Variants in MYH7B observed in about 807,000 individuals in gnomAD.
The protein encoded by MYH7B is myosin-7B.
Under a neutral mutation model 234.5 loss-of-function variants are expected in MYH7B, and 205 were observed. The observed-to-expected ratio is 0.87, with a 90% CI of 0.78 to 0.98. The LOEUF is 0.98. Among genes scored for constraint, MYH7B ranks in the 50% least tolerant of loss-of-function variants. The probability of loss-of-function intolerance (pLI) is 0.00; values close to 1 mark genes in which losing one functional copy is unlikely to be tolerated. For missense variants in MYH7B, 2,652 were observed against 2,633.4 expected (o/e 1.01, Z -0.15); for synonymous variants, 1,193 against 1,105.0 (o/e 1.08, Z -1.58).
At chr20:34,997,406 C>T (rs896651212) in exon 32 of MYH7B, 2 of 1,479,738 alleles carry the variant, frequency 1.4e-6, no homozygotes, top group African/African-American at 1.5e-5. Context: ...GCGAGGGCTG[C>T]CGCAAGCGGG....
In MYH7B at chr20:34,987,886, T is replaced by C. The variant is rs61745057; in HGVS notation, c.1388T>C (p.Leu463Pro). Reference sequence around the variant, plus strand: ...CCCCGGCAGTTCTTCATCGGGGTTCTGGACATCGCTGGGTTTGAGATCTTT... The same window carrying C: ...CCCCGGCAGTTCTTCATCGGGGTTCCGGACATCGCTGGGTTTGAGATCTTT... The change falls in exon 18 of 45, where the codon CTG (leucine) becomes CCG (proline). Residue 463 changes from leucine to proline, a missense_variant. By Grantham distance (98) the Leu-to-Pro change is moderately conservative (BLOSUM62 -3). This residue lies in a region of MYH7B where 2,279 missense variants were observed against 2,211.4 expected (regional missense o/e 1.03). Transcript: ENST00000262873. The C allele has an allele frequency of 1.9e-4, 303 of 1,607,442 alleles. No individual in the cohort carries two copies. The African/African-American group carries it at 3.6e-3, about 19-fold the overall frequency.
chr20:34,989,418 C>T (rs2082097362), intron 19 of MYH7B, among the ~76,000 whole-genome samples: 1 of 152,128 alleles, frequency 6.6e-6, no homozygotes, highest in Non-Finnish European at 1.5e-5. Context: ...TGACTTACCC[C>T]ATGTTTGTGT....
At chr20:34,973,303 C>T (rs1381810331) in intron 2 of MYH7B, among the ~76,000 whole-genome samples, 2 of 152,330 alleles carry the variant, frequency 1.3e-5, no homozygotes, top group Non-Finnish European at 2.9e-5. Flanking sequence ...CAGACTCCTC[C>T]GTGTTGATGT....
At chr20:34,963,782 T>C (rs1221785807) in intron 2 of MYH7B, among the ~76,000 whole-genome samples, 1 of 152,232 alleles carries the variant, frequency 6.6e-6, no homozygotes, top group Non-Finnish European at 1.5e-5. Flanking sequence ...TTATGCATTT[T>C]TACCCTCCTA....
rs375029593 is a variant in MYH7B at position 34,982,573 on chromosome 20, G to A, written c.624+18G>A. The A allele has an allele frequency of 1.7e-5, 27 of 1,547,336 alleles. No homozygotes were observed. The highest frequency in any genetic ancestry group is 2.4e-5 in the South Asian group (2 of 84,826). On this transcript the variant is annotated intron_variant, in intron 10 of 44. Coordinates refer to ENST00000262873, the Ensembl canonical transcript of MYH7B. The stretch of plus-strand genomic sequence containing the variant: ...AGAAGGCCGTAAGACTTGCCCACTC[G>A]GGCATGCTCCCCGTTGCTTCTCGCT...
At position 34,993,087 on chromosome 20, in the gene MYH7B, G is replaced by A; in HGVS notation, c.2184-15G>A. 1 of 1,608,680 alleles carries A rather than the reference G, an allele frequency of 6.2e-7. No individual in the cohort carries two copies. Among genetic ancestry groups the A allele is most frequent in the Non-Finnish European group, 8.5e-7 (1 of 1,176,158 alleles). ...ACCCAGCCCTCTCCTGACCAGCTCT[G>A]CCCTCCTTTCCCAGGTACCGTATCC... is the stretch of plus-strand genomic sequence containing the variant. On this transcript the variant is annotated splice_polypyrimidine_tract_variant and intron_variant, in intron 24 of 44. Transcript: ENST00000262873.
chr20:34,980,747 T>C lies in MYH7B; in HGVS notation c.499+13T>C. 1 of 1,609,822 alleles carries C rather than the reference T, an allele frequency of 6.2e-7. No individual in the cohort carries two copies. The highest frequency in any genetic ancestry group is 8.5e-7 in the Non-Finnish European group (1 of 1,176,634). ...GACATGCTGCGCAGTAAGGGCCGCCTGGACTCCTCCCCAACCGCAGACCCC... is the reference window on the plus strand; with the variant it reads ...GACATGCTGCGCAGTAAGGGCCGCCCGGACTCCTCCCCAACCGCAGACCCC... On this transcript the variant is annotated intron_variant, in intron 8 of 44. Coordinates refer to ENST00000262873, the Ensembl canonical transcript of MYH7B.
At chr20:34,961,010 G>C (rs1456115020) in intron 2 of MYH7B, among the ~76,000 whole-genome samples, 6 of 152,118 alleles carry the variant, frequency 3.9e-5, no homozygotes. Flanking sequence ...TCTGTGCCCT[G>C]GTCGTGTTTG....
intron 18 of MYH7B, 76 bp from the exon 19 acceptor site, chr20:34,988,016 G>C (rs1330677871): frequency 3.2e-6 from 5 of 1,571,484 alleles, no homozygotes; most frequent in East Asian, 2.2e-5. Context: ...AGTTGGGGGT[G>C]AACTCATGCC....
intron 2 of MYH7B, among the ~76,000 whole-genome samples, chr20:34,968,465 G>A (rs932022684): frequency 5.3e-5 from 8 of 152,188 alleles, no homozygotes; most frequent in Non-Finnish European, 8.8e-5. Context: ...ACCTATTCAA[G>A]GTCACATAGT....
chr20:34,981,013 T>A lies in MYH7B; in HGVS notation c.500-20T>A, dbSNP rs778618201. 1.2e-6 allele frequency: 2 copies of A among 1,614,092 alleles called. No individual in the cohort carries two copies. The highest frequency in any genetic ancestry group is 1.7e-6 in the Non-Finnish European group (2 of 1,179,990). ...CCCCACACCTTGGCTGACTTCTCTATCCCCTTCCCTTTCCTCCAGACCGAG... is the reference window on the plus strand; with the variant it reads ...CCCCACACCTTGGCTGACTTCTCTAACCCCTTCCCTTTCCTCCAGACCGAG... On this transcript the variant is annotated intron_variant, in intron 8 of 44. Coordinates refer to ENST00000262873, the Ensembl canonical transcript of MYH7B.
At chr20:34,980,869 T>TC in intron 8 of MYH7B, 135 bp downstream of exon 8, 5 of 1,486,736 alleles carry the variant, frequency 3.4e-6, no homozygotes, top group Non-Finnish European at 4.6e-6. Context: ...AGCCGTTCTG[T>TC]CCCTCCGCAT....
chr20:34,980,578 A>G (rs1416801711), exon 8 of MYH7B: 1 of 1,613,158 alleles, frequency 6.2e-7, no homozygotes, highest in East Asian at 2.2e-5. Context: ...CTCTCTTCAG[A>G]CCTACTCAGG....
intron 3 of MYH7B, 125 bp downstream of exon 3, chr20:34,975,624 G>A: frequency 1.6e-6 from 1 of 615,210 alleles, no homozygotes; most frequent in Admixed American, 2.6e-5. Flanking sequence ...ACCGAGAGGG[G>A]ACCCGCGTCA....
intron 10 of MYH7B, 55 bp from the exon 11 acceptor site, chr20:34,984,637 C>A: frequency 4.7e-6 from 7 of 1,476,132 alleles, no homozygotes; most frequent in South Asian, 1.2e-5. Flanking sequence ...TGCCCCACCC[C>A]GCCCTTCCCC....
At position 34,997,569 on chromosome 20, in the gene MYH7B, AAGG is replaced by A. The variant is rs748988032; in HGVS notation, c.3679_3681del (p.Glu1227del). On this transcript the variant is annotated inframe_deletion, in exon 32 of 45. Transcript: ENST00000262873. ...GCAGCGGGTGCGGCAGAAGCTGGAG[AAGG>A]AGAAGAGTGAGCTGCGCATGGAGGT... The A allele has an allele frequency of 4.7e-5, 76 of 1,612,654 alleles. No homozygotes were observed. The highest frequency in any genetic ancestry group is 6.7e-5 in the East Asian group (3 of 44,810).
chr20:34,960,300 A>G (rs1055553041), intron 2 of MYH7B, among the ~76,000 whole-genome samples: 1 of 152,072 alleles, frequency 6.6e-6, no homozygotes, highest in Non-Finnish European at 1.5e-5. Flanking sequence ...CAGTGGCGCC[A>G]TCTTGGCTCA....
intron 37 of MYH7B, 41 bp from the exon 38 acceptor site, chr20:34,999,750 T>TGG: frequency 4.5e-6 from 6 of 1,320,498 alleles, no homozygotes; most frequent in East Asian, 2.5e-5. Flanking sequence ...CCACTGGCCA[T>TGG]CCCCCCCCCC....
At chr20:34,993,612 C>A (rs2082198764) in intron 26 of MYH7B, 142 bp downstream of exon 26, 7 of 960,534 alleles carry the variant, frequency 7.3e-6, no homozygotes, top group Non-Finnish European at 1.0e-5. Context: ...TGTTCTGTGT[C>A]CCCCAGCCTC....
Sources: gnomAD v4.1 joint callset for allele counts (sites outside exome capture counted in the v4.1 genomes callset) on GRCh38, gnomAD v4.1.1 for gene constraint, gnomAD v4.1.1 regional missense constraint, MANE v1.5 for transcripts, NCBI Gene and HGNC (gene_info 2026-07-23, HGNC 2026-07-21) for gene names.